The following CDH7 variants were observed in gnomAD, a reference collection of about 807,000 sequenced individuals.
CDH7 encodes cadherin-7.
In CDH7, 25 loss-of-function variants were observed where a neutral mutation model predicts 71.8. That is an observed-to-expected ratio of 0.35 (90% confidence interval 0.25 to 0.49). CDH7 has a LOEUF of 0.49. CDH7 is among the 20% of genes least tolerant of loss of function. The pLI, the probability that CDH7 is intolerant of heterozygous loss-of-function variation, is 0.99. For synonymous variants in CDH7, 381 were observed against 363.8 expected (o/e 1.05, Z -0.54); for missense variants, 862 against 974.6 (o/e 0.88, Z 1.54).
intron 7 of CDH7, among the ~76,000 whole-genome samples, chr18:65,846,724 T>G (rs1469077199): frequency 6.6e-6 from 1 of 152,188 alleles, no homozygotes; most frequent in African/African-American, 2.4e-5. Context: ...CACTGCTGTT[T>G]GTGGAATGGC....
At chr18:65,791,285 G>A (rs1910704571) in intron 2 of CDH7, among the ~76,000 whole-genome samples, 1 of 152,166 alleles carries the variant, frequency 6.6e-6, no homozygotes, top group South Asian at 2.1e-4. Flanking sequence ...AGCTCTTTGT[G>A]TATATTTTTA....
chr18:65,805,933 T>C (rs965106738), intron 2 of CDH7, among the ~76,000 whole-genome samples: 16 of 152,126 alleles, frequency 1.1e-4, no homozygotes, highest in African/African-American at 3.6e-4. Context: ...ATGAGGTGTT[T>C]TGCAATAGCC....
intron 2 of CDH7, among the ~76,000 whole-genome samples, chr18:65,783,309 A>G (rs1257430042): frequency 6.6e-6 from 1 of 152,238 alleles, no homozygotes; most frequent in Non-Finnish European, 1.5e-5. Flanking sequence ...AAATTAACAG[A>G]AAGATAATTA....
intron 2 of CDH7, among the ~76,000 whole-genome samples, chr18:65,782,790 ATAAC>A (rs1389264229): frequency 6.6e-6 from 1 of 152,194 alleles, no homozygotes; most frequent in Non-Finnish European, 1.5e-5. Flanking sequence ...ACAACACACT[ATAAC>A]TAATGCCTGG....
At chr18:65,840,932 A>C (rs1912710028) in intron 6 of CDH7, among the ~76,000 whole-genome samples, 1 of 152,130 alleles carries the variant, frequency 6.6e-6, no homozygotes, top group Admixed American at 6.6e-5. Context: ...AATTAATTCT[A>C]ATAGTTATGG....
At chr18:65,845,185 A>T (rs1013447078) in intron 7 of CDH7, among the ~76,000 whole-genome samples, 1 of 151,634 alleles carries the variant, frequency 6.6e-6, no homozygotes, top group Non-Finnish European at 1.5e-5. Flanking sequence ...ATATACATAC[A>T]TATATGTATA....
At chr18:65,872,842 C>A (rs1042501204) in intron 11 of CDH7, among the ~76,000 whole-genome samples, 1 of 151,230 alleles carries the variant, frequency 6.6e-6, no homozygotes, top group Admixed American at 6.6e-5. Flanking sequence ...CTGCAGTGAG[C>A]CATGATCACT....
Position 65,886,071 on chromosome 18 carries a change from C to G in CDH7, c.*5177C>G, listed in dbSNP as rs1434699507. ...GGTTATAAAATCTAGGTCAGAAGCTCAGTTTCGCCACATTTTTGCTGTGCC... is the reference window on the plus strand; with the variant it reads ...GGTTATAAAATCTAGGTCAGAAGCTGAGTTTCGCCACATTTTTGCTGTGCC... On this transcript the variant is annotated 3_prime_UTR_variant, in exon 12 of 12. Transcript: ENST00000397968. 6.6e-6 allele frequency: 1 copy of G among 152,100 alleles called. No homozygotes were observed. Among genetic ancestry groups the G allele is most frequent in the African/African-American group, 2.4e-5 (1 of 41,412 alleles). The allele number at this position is 152,100 out of a possible 1,614,324, so 9.4% of individuals were successfully genotyped here.
chr18:65,860,411 A>T (rs2144033594), intron 10 of CDH7, among the ~76,000 whole-genome samples: 1 of 152,288 alleles, frequency 6.6e-6, no homozygotes, highest in African/African-American at 2.4e-5. Context: ...CACTCTTAGC[A>T]GTTTCCTAAA....
At chr18:65,759,801 C>A (rs1417969666) in intron 1 of CDH7, among the ~76,000 whole-genome samples, 1 of 152,176 alleles carries the variant, frequency 6.6e-6, no homozygotes, top group African/African-American at 2.4e-5. Flanking sequence ...CTAGTCCAGA[C>A]TGTGTGCTTC....
chr18:65,860,694 G>A (rs1284623878), intron 10 of CDH7, among the ~76,000 whole-genome samples: 2 of 151,990 alleles, frequency 1.3e-5, no homozygotes, highest in Admixed American at 1.3e-4. Context: ...TCTGGTTTTA[G>A]GAAAAAAGTA....
chr18:65,828,781 A>T (rs1432571951), intron 6 of CDH7, among the ~76,000 whole-genome samples: 1 of 152,150 alleles, frequency 6.6e-6, no homozygotes. Context: ...TTATTTTATT[A>T]ATTCATTGAA....
chr18:65,806,331 C>G (rs1278693404), intron 2 of CDH7, among the ~76,000 whole-genome samples: 2 of 150,860 alleles, frequency 1.3e-5, no homozygotes, highest in Non-Finnish European at 2.9e-5. Context: ...AAAGTCAAAA[C>G]AAATACTTTG....
At chr18:65,833,022 T>A (rs991748583) in intron 6 of CDH7, among the ~76,000 whole-genome samples, 1 of 152,232 alleles carries the variant, frequency 6.6e-6, no homozygotes, top group Non-Finnish European at 1.5e-5. Flanking sequence ...GTCCACTTTG[T>A]CACACTATGA....
In CDH7 at chr18:65,884,630, A is replaced by AT. The variant is rs1210256379; in HGVS notation, c.*3737dup. On this transcript the variant is annotated 3_prime_UTR_variant, in exon 12 of 12. Transcript: ENST00000397968. ...ATGTAGGAATGATATTTGTGAAGTG[A>AT]TCCACATGCCCAAGAAATGCAAATG... 6.6e-6 allele frequency: 1 copy of AT among 150,968 alleles called. No homozygotes were observed. Among genetic ancestry groups the AT allele is most frequent in the Non-Finnish European group, 1.5e-5 (1 of 67,874 alleles). 9.4% of individuals were successfully genotyped at this position (150,968 alleles called of 1,614,324 possible). A position where few individuals can be genotyped will look rare whatever the true frequency, so the allele number is the denominator to read the frequency against.
intron 7 of CDH7, among the ~76,000 whole-genome samples, chr18:65,854,302 T>TTAAA (rs148091895): frequency 0.99 from 148,733 of 150,890 alleles, 73,333 homozygotes; most frequent in East Asian, 1. Flanking sequence ...TAGACTTTGT[T>TTAAA]TAAATAAATA....
intron 2 of CDH7, among the ~76,000 whole-genome samples, chr18:65,768,759 A>G (rs1212101262): frequency 6.6e-6 from 1 of 152,090 alleles, no homozygotes; most frequent in Non-Finnish European, 1.5e-5. Context: ...GTAGGCAAGG[A>G]CTATATTGGG....
chr18:65,874,131 A>G (rs746130645), intron 11 of CDH7, among the ~76,000 whole-genome samples: 6 of 152,204 alleles, frequency 3.9e-5, no homozygotes, highest in Non-Finnish European at 8.8e-5. Context: ...TTTAGCAATC[A>G]GTACTCATTA....
At chr18:65,832,694 G>A (rs1267451814) in intron 6 of CDH7, among the ~76,000 whole-genome samples, 1 of 152,032 alleles carries the variant, frequency 6.6e-6, no homozygotes, top group Non-Finnish European at 1.5e-5. Flanking sequence ...TTTACAAAGA[G>A]TAAACATAAA....
Sources: gnomAD v4.1 joint callset for allele counts (sites outside exome capture counted in the v4.1 genomes callset) on GRCh38, gnomAD v4.1.1 for gene constraint, MANE v1.5 for transcripts, NCBI Gene and HGNC (gene_info 2026-07-23, HGNC 2026-07-21) for gene names.